The following SPATA17 variants were observed in gnomAD, a reference collection of about 807,000 sequenced individuals.
The protein encoded by SPATA17 is spermatogenesis associated 17.
A neutral mutation model predicts 62.2 loss-of-function variants in SPATA17; 53 were observed. That is an observed-to-expected ratio of 0.85 (90% CI 0.68 to 1.07). The LOEUF is 1.07. Ranked by LOEUF, SPATA17 falls within the 50% of genes least tolerant of loss-of-function variation. The pLI, the probability that SPATA17 is intolerant of heterozygous loss-of-function variation, is 0.00. For missense variants in SPATA17, 466 were observed against 425.5 expected (o/e 1.10, Z -0.84); for synonymous variants, 146 against 146.8 (o/e 0.99, Z 0.04).
At chr1:217,751,754 C>A (rs1300804021) in intron 6 of SPATA17, among the ~76,000 whole-genome samples, 1 of 152,106 alleles carries the variant, frequency 6.6e-6, no homozygotes, top group Non-Finnish European at 1.5e-5. Flanking sequence ...TACCTCACAT[C>A]TAAGAAAGAG....
chr1:217,859,044 A>G (rs995461100), intron 9 of SPATA17, among the ~76,000 whole-genome samples: 1 of 149,440 alleles, frequency 6.7e-6, no homozygotes, highest in African/African-American at 2.4e-5. Context: ...TAAATAAATA[A>G]AATAAAATAA....
At chr1:217,725,508 G>A (rs770595457) in intron 5 of SPATA17, among the ~76,000 whole-genome samples, 1 of 152,062 alleles carries the variant, frequency 6.6e-6, no homozygotes, top group East Asian at 1.9e-4. Context: ...TGTCACTCAG[G>A]CTAGAATGCA....
rs117365184 is a variant in SPATA17, at chr1:217,770,106, T to C, written c.520-4228T>C. The stretch of plus-strand genomic sequence containing the variant: ...TTGGCCACTTGTACTTTACTAGTTA[T>C]TAGAGAGAGATCTTTACTACTCTTC... On this transcript the variant is annotated intron_variant, in intron 6 of 10. Coordinates refer to ENST00000366933, the MANE Select transcript of SPATA17 (RefSeq NM_138796.4). Among the ~76,000 whole-genome samples, 275 of 152,328 alleles carry C rather than the reference T, an allele frequency of 1.8e-3. 2 individuals carry two copies. The highest frequency in any genetic ancestry group is 0.017 in the East Asian group (89 of 5,174).
At chr1:217,739,732 A>C (rs1427043966) in intron 5 of SPATA17, 1 of 152,146 alleles carries the variant, frequency 6.6e-6, no homozygotes, top group African/African-American at 2.4e-5. Context: ...TATATCAAGA[A>C]TAATTTATTT....
At chr1:217,865,390 TA>T (rs1675987746) in intron 10 of SPATA17, among the ~76,000 whole-genome samples, 1 of 152,186 alleles carries the variant, frequency 6.6e-6, no homozygotes, top group African/African-American at 2.4e-5. Context: ...AAGTTTAGGA[TA>T]AACACTGCCT....
Position 217,870,910 on chromosome 1 carries a change from G to A in SPATA17, c.*3891G>A, listed in dbSNP as rs951752796. On this transcript the variant is annotated 3_prime_UTR_variant, in exon 11 of 11. Coordinates refer to ENST00000366933, the MANE Select transcript of SPATA17 (RefSeq NM_138796.4). ...TACCTGGCATAAAGTGAAATCCATC[G>A]AATGTGCTAATGATAAATAAAGAAG... is the stretch of plus-strand genomic sequence containing the variant. 3.9e-5 allele frequency: 6 copies of A among 152,100 alleles called. No homozygotes were observed. Among genetic ancestry groups the A allele is most frequent in the Non-Finnish European group, 5.9e-5 (4 of 68,008 alleles). The allele number at this position is 152,100 out of a possible 1,614,324, so 9.4% of individuals were successfully genotyped here. A position where few individuals can be genotyped will look rare whatever the true frequency, so the allele number is the denominator to read the frequency against.
chr1:217,705,357 T>C (rs1228875534), intron 5 of SPATA17, among the ~76,000 whole-genome samples: 2 of 140,756 alleles, frequency 1.4e-5, no homozygotes, highest in Admixed American at 1.4e-4. Context: ...GTAGGTTGTC[T>C]CTTTACTGTG....
At chr1:217,708,389 C>T (rs1671783219) in intron 5 of SPATA17, among the ~76,000 whole-genome samples, 4 of 152,140 alleles carry the variant, frequency 2.6e-5, no homozygotes, top group Admixed American at 6.5e-5. Context: ...ACTGACCCCA[C>T]AGAAATACAG....
intron 5 of SPATA17, among the ~76,000 whole-genome samples, chr1:217,715,914 G>A (rs947458714): frequency 1.3e-5 from 2 of 152,194 alleles, no homozygotes; most frequent in African/African-American, 4.8e-5. Context: ...TGTCTTTGTA[G>A]TCTGCTAATT....
At chr1:217,749,082 A>G (rs757767426) in intron 6 of SPATA17, among the ~76,000 whole-genome samples, 3 of 152,122 alleles carry the variant, frequency 2.0e-5, no homozygotes, top group Non-Finnish European at 4.4e-5. Flanking sequence ...TCTATGTGCC[A>G]TATGTCTTTG....
chr1:217,714,484 G>GTTTTTTTTTTTTTTTTT (rs1456324571), intron 5 of SPATA17, among the ~76,000 whole-genome samples: 8 of 124,050 alleles, frequency 6.4e-5, no homozygotes, highest in South Asian at 2.4e-4. Context: ...TGGAAAACGT[G>GTTTTTTTTTTTTTTTTT]TTTCTTTTTT....
intron 9 of SPATA17, among the ~76,000 whole-genome samples, chr1:217,858,891 G>C (rs1675837228): frequency 6.6e-6 from 1 of 151,890 alleles, no homozygotes; most frequent in African/African-American, 2.4e-5. Flanking sequence ...AGCCAGGCGT[G>C]GTGATGTGTG....
intron 3 of SPATA17, among the ~76,000 whole-genome samples, chr1:217,664,372 C>T (rs1670644375): frequency 6.8e-6 from 1 of 147,848 alleles, no homozygotes; most frequent in Non-Finnish European, 1.5e-5. Context: ...TCCCTACAAC[C>T]TCTGCCTCCC....
At chr1:217,776,676 T>TA (rs59177848) in intron 7 of SPATA17, among the ~76,000 whole-genome samples, 4,966 of 119,050 alleles carry the variant, frequency 0.042, 220 homozygotes, top group African/African-American at 0.11. Flanking sequence ...CTGTCTCTAT[T>TA]AAAAAAAAAA....
intron 5 of SPATA17, among the ~76,000 whole-genome samples, chr1:217,684,558 T>G (rs1001699374): frequency 6.6e-6 from 1 of 151,874 alleles, no homozygotes; most frequent in Non-Finnish European, 1.5e-5. Context: ...GGGATTACAG[T>G]TGCATGCCAC....
chr1:217,683,169 C>A, intron 4 of SPATA17, 89 bp from the exon 5 acceptor site: 1 of 807,704 alleles, frequency 1.2e-6, no homozygotes, highest in Non-Finnish European at 1.9e-6. Context: ...TAGGAGTTAT[C>A]AGCCATAATT....
At chr1:217,730,244 G>A in intron 5 of SPATA17, among the ~76,000 whole-genome samples, 1 of 149,182 alleles carries the variant, frequency 6.7e-6, no homozygotes, top group East Asian at 1.9e-4. Context: ...TTGAGATGGA[G>A]TCTCACTCTG....
intron 5 of SPATA17, among the ~76,000 whole-genome samples, chr1:217,696,365 C>G (rs922515901): frequency 1.3e-5 from 2 of 152,156 alleles, no homozygotes; most frequent in African/African-American, 4.8e-5. Context: ...GCACAGTGCG[C>G]GCACCCACTG....
intron 2 of SPATA17, 77 bp from the exon 3 acceptor site, chr1:217,651,019 AG>A: frequency 9.5e-7 from 1 of 1,054,858 alleles, no homozygotes; most frequent in Non-Finnish European, 1.4e-6. Context: ...CTTGAATTGT[AG>A]GAGAGTATTT....
Sources: gnomAD v4.1 joint callset for allele counts (sites outside exome capture counted in the v4.1 genomes callset) on GRCh38, gnomAD v4.1.1 for gene constraint, MANE v1.5 for transcripts, NCBI Gene and HGNC (gene_info 2026-07-23, HGNC 2026-07-21) for gene names.